Variants in RABGAP1L observed in about 807,000 individuals in gnomAD.
RABGAP1L encodes the protein rab GTPase-activating protein 1-like.
In RABGAP1L, 63 loss-of-function variants were observed where a neutral mutation model predicts 137.7. The observed-to-expected ratio is 0.46, with a 90% CI of 0.37 to 0.56. RABGAP1L has a LOEUF of 0.56. RABGAP1L is among the 20% of genes least tolerant of loss of function. The pLI is 0.00. For missense variants in RABGAP1L, 1,095 were observed against 1,244.0 expected (o/e 0.88, Z 1.80); for synonymous variants, 431 against 433.7 (o/e 0.99, Z 0.08).
At chr1:174,816,451 A>C (rs750947728) in intron 19 of RABGAP1L, among the ~76,000 whole-genome samples, 1 of 151,712 alleles carries the variant, frequency 6.6e-6, no homozygotes, top group Non-Finnish European at 1.5e-5. Context: ...AGGCCTCGTA[A>C]TATATAGCTT....
chr1:174,615,320 T>C (rs1324730886), intron 13 of RABGAP1L, among the ~76,000 whole-genome samples: 2 of 152,232 alleles, frequency 1.3e-5, no homozygotes, highest in Non-Finnish European at 2.9e-5. Flanking sequence ...GCAGGTCTTT[T>C]GGGGTTTGCT....
intron 17 of RABGAP1L, among the ~76,000 whole-genome samples, chr1:174,702,464 C>T (rs1260217798): frequency 1.3e-5 from 2 of 152,030 alleles, no homozygotes; most frequent in Non-Finnish European, 2.9e-5. Flanking sequence ...ATATATAATT[C>T]CTACAAAGTA....
At chr1:174,272,310 ACAGAGCT>A in intron 7 of RABGAP1L, 97 bp from the exon 8 acceptor site, 1 of 1,192,052 alleles carries the variant, frequency 8.4e-7, no homozygotes. Context: ...GCTTATAAAT[ACAGAGCT>A]CAGATTGTAT....
chr1:174,970,634 G>T (rs1022529321), intron 21 of RABGAP1L, among the ~76,000 whole-genome samples: 2 of 151,976 alleles, frequency 1.3e-5, no homozygotes, highest in African/African-American at 4.8e-5. Context: ...TCTCCCTAAT[G>T]ACTCCAGGAA....
intron 20 of RABGAP1L, among the ~76,000 whole-genome samples, chr1:174,962,914 A>G (rs1210840964): frequency 6.6e-6 from 1 of 152,082 alleles, no homozygotes; most frequent in Non-Finnish European, 1.5e-5. Flanking sequence ...CCTGGCCAAC[A>G]TGGTAAAACC....
At chr1:174,263,015 T>G (rs1047755934) in intron 7 of RABGAP1L, among the ~76,000 whole-genome samples, 3 of 152,236 alleles carry the variant, frequency 2.0e-5, no homozygotes, top group African/African-American at 7.2e-5. Flanking sequence ...AACCCAGCTG[T>G]GCACTCACAT....
intron 13 of RABGAP1L, among the ~76,000 whole-genome samples, chr1:174,629,793 G>T (rs1572595360): frequency 6.6e-6 from 1 of 152,150 alleles, no homozygotes; most frequent in Non-Finnish European, 1.5e-5. Flanking sequence ...CAAAGTGCTG[G>T]GATTACAGGC....
intron 13 of RABGAP1L, among the ~76,000 whole-genome samples, chr1:174,544,495 G>A (rs537504395): frequency 6.6e-6 from 1 of 152,050 alleles, no homozygotes; most frequent in African/African-American, 2.4e-5. Flanking sequence ...TTAGCCATTC[G>A]TCTAATCTTT....
intron 18 of RABGAP1L, among the ~76,000 whole-genome samples, chr1:174,760,853 A>G (rs541043959): frequency 1.3e-5 from 2 of 152,312 alleles, no homozygotes; most frequent in African/African-American, 4.8e-5. Context: ...TGGCTTTTTA[A>G]TACTATTAAA....
chr1:174,488,394 G>C (rs918598387), intron 13 of RABGAP1L, among the ~76,000 whole-genome samples: 1 of 150,938 alleles, frequency 6.6e-6, no homozygotes, highest in Non-Finnish European at 1.5e-5. Context: ...TTAGCTTACT[G>C]TCTGACTTAG....
chr1:174,746,818 T>C (rs1244110790), intron 17 of RABGAP1L, among the ~76,000 whole-genome samples: 1 of 152,206 alleles, frequency 6.6e-6, no homozygotes, highest in African/African-American at 2.4e-5. Context: ...GAATTTTAGG[T>C]GGTTGTGGGA....
intron 11 of RABGAP1L, among the ~76,000 whole-genome samples, chr1:174,306,558 ATCT>A (rs946842054): frequency 2.0e-5 from 3 of 152,170 alleles, no homozygotes; most frequent in African/African-American, 7.2e-5. Context: ...CTGCAGAAAT[ATCT>A]TCTTGAAGTA....
At chr1:174,815,137 A>G (rs1006702231) in intron 19 of RABGAP1L, among the ~76,000 whole-genome samples, 2 of 151,748 alleles carry the variant, frequency 1.3e-5, no homozygotes, top group African/African-American at 4.8e-5. Context: ...TGTTCCTACC[A>G]CCTCCCCGTT....
intron 17 of RABGAP1L, among the ~76,000 whole-genome samples, chr1:174,750,915 G>A (rs1684290564): frequency 6.6e-6 from 1 of 152,174 alleles, no homozygotes; most frequent in African/African-American, 2.4e-5. Context: ...CAGGTGGGCA[G>A]CAGCTAGTGG....
chr1:174,216,046 C>CA (rs1669296219), intron 1 of RABGAP1L, among the ~76,000 whole-genome samples: 1 of 152,088 alleles, frequency 6.6e-6, no homozygotes, highest in Non-Finnish European at 1.5e-5. Context: ...CACAGAAAGA[C>CA]AAAGTTCACA....
At chr1:174,918,367 C>T (rs1490989427) in intron 19 of RABGAP1L, among the ~76,000 whole-genome samples, 1 of 152,118 alleles carries the variant, frequency 6.6e-6, no homozygotes, top group African/African-American at 2.4e-5. Context: ...ATAATCTGTA[C>T]ATTTCTATGA....
At chr1:174,989,409 C>T (rs1025739012) in intron 25 of RABGAP1L, among the ~76,000 whole-genome samples, 1 of 152,206 alleles carries the variant, frequency 6.6e-6, no homozygotes, top group African/African-American at 2.4e-5. Flanking sequence ...GCCTCCACCA[C>T]ACCAGCCAGC....
intron 1 of RABGAP1L, among the ~76,000 whole-genome samples, chr1:174,172,733 A>G (rs1333025950): frequency 1.3e-5 from 2 of 152,042 alleles, no homozygotes; most frequent in East Asian, 3.9e-4. Context: ...GAGTTGTGAG[A>G]GTTCCTTATG....
intron 13 of RABGAP1L, among the ~76,000 whole-genome samples, chr1:174,590,315 G>C (rs1196400553): frequency 6.9e-6 from 1 of 144,780 alleles, no homozygotes; most frequent in Non-Finnish European, 1.5e-5. Flanking sequence ...CTTTGTTTTA[G>C]ATGCTGTATT....
Sources: gnomAD v4.1 joint callset for allele counts (sites outside exome capture counted in the v4.1 genomes callset) on GRCh38, gnomAD v4.1.1 for gene constraint, MANE v1.5 for transcripts, NCBI Gene and HGNC (gene_info 2026-07-23, HGNC 2026-07-21) for gene names.